KHDRBS2: variants seen among roughly 807,000 people sequenced by gnomAD.
KHDRBS2 encodes KH domain-containing, RNA-binding, signal transduction-associated protein 2.
A neutral mutation model predicts 44.3 loss-of-function variants in KHDRBS2; 26 were observed. The ratio of observed to expected loss-of-function variants is 0.59; its 90% CI spans 0.43 to 0.81. KHDRBS2 has a LOEUF of 0.81. Among genes scored for constraint, KHDRBS2 ranks in the 40% least tolerant of loss-of-function variants. KHDRBS2 has a pLI of 0.00. For missense variants in KHDRBS2, 476 were observed against 433.1 expected (o/e 1.10, Z -0.88); for synonymous variants, 194 against 151.1 (o/e 1.28, Z -2.08).
At chr6:61,750,031 T>A (rs1459435717) in intron 6 of KHDRBS2, among the ~76,000 whole-genome samples, 3 of 152,102 alleles carry the variant, frequency 2.0e-5, no homozygotes, top group Non-Finnish European at 1.5e-5. Context: ...TAATGAGGAG[T>A]TATTTTTAAG....
At chr6:61,785,721 T>C (rs1783710275) in intron 6 of KHDRBS2, among the ~76,000 whole-genome samples, 1 of 152,134 alleles carries the variant, frequency 6.6e-6, no homozygotes, top group Non-Finnish European at 1.5e-5. Context: ...AAATTGTCTA[T>C]ATTTAAAATG....
chr6:62,006,608 G>T (rs995039136), intron 3 of KHDRBS2, among the ~76,000 whole-genome samples: 1 of 151,832 alleles, frequency 6.6e-6, no homozygotes, highest in African/African-American at 2.4e-5. Context: ...CAATAATAAA[G>T]TATCTTCAAT....
At chr6:61,762,549 C>T (rs1347985112) in intron 6 of KHDRBS2, among the ~76,000 whole-genome samples, 3 of 152,154 alleles carry the variant, frequency 2.0e-5, no homozygotes, top group South Asian at 4.1e-4. Flanking sequence ...TCCCTCTCCT[C>T]TCTCTTGTCT....
intron 3 of KHDRBS2, among the ~76,000 whole-genome samples, chr6:62,033,082 T>A (rs558473085): frequency 1.3e-5 from 2 of 151,814 alleles, no homozygotes; most frequent in African/African-American, 4.8e-5. Context: ...TACTAAAGAA[T>A]ACGTCAGTCT....
At chr6:61,574,058 T>C in the KHDRBS2 span, among the ~76,000 whole-genome samples, 3 of 152,086 alleles carry the variant, frequency 2.0e-5, no homozygotes, top group Admixed American at 1.3e-4. Context: ...ATTCAACAAA[T>C]GGTGCTGGGA....
At chr6:62,205,967 G>A (rs897027136) in intron 1 of KHDRBS2, among the ~76,000 whole-genome samples, 8 of 152,122 alleles carry the variant, frequency 5.3e-5, no homozygotes, top group Admixed American at 3.9e-4. Context: ...AAAAAATTGG[G>A]AAATGATGAA....
intron 1 of KHDRBS2, among the ~76,000 whole-genome samples, chr6:62,282,504 T>A (rs922881592): frequency 2.6e-5 from 4 of 152,120 alleles, no homozygotes; most frequent in African/African-American, 9.7e-5. Flanking sequence ...CCTAGGAGTA[T>A]GGAATCACCA....
chr6:62,276,603 TC>T (rs1462052104), intron 1 of KHDRBS2, among the ~76,000 whole-genome samples: 4 of 152,334 alleles, frequency 2.6e-5, no homozygotes, highest in South Asian at 4.1e-4. Context: ...GTCTTGATGA[TC>T]CTTAATTCAA....
intron 2 of KHDRBS2, among the ~76,000 whole-genome samples, chr6:62,102,487 C>A (rs149092907): frequency 6.6e-6 from 1 of 152,262 alleles, no homozygotes; most frequent in African/African-American, 2.4e-5. Flanking sequence ...TGGGGAGCCC[C>A]GAGGTCTCGG....
At chr6:61,898,973 G>C (rs1803441815) in intron 5 of KHDRBS2, among the ~76,000 whole-genome samples, 1 of 151,804 alleles carries the variant, frequency 6.6e-6, no homozygotes, top group Admixed American at 6.6e-5. Context: ...TATTTGTAGA[G>C]GGAATGATCA....
At chr6:61,719,914 G>A (rs541338576) in intron 7 of KHDRBS2, among the ~76,000 whole-genome samples, 93 of 152,166 alleles carry the variant, frequency 6.1e-4, no homozygotes, top group African/African-American at 2.1e-3. Context: ...ATCTCCCAGT[G>A]CTATGCCTCC....
At chr6:62,123,766 T>C (rs1321878537) in intron 2 of KHDRBS2, among the ~76,000 whole-genome samples, 1 of 152,178 alleles carries the variant, frequency 6.6e-6, no homozygotes, top group African/African-American at 2.4e-5. Flanking sequence ...TATGTTCAGG[T>C]ATGGAAATCC....
chr6:61,799,246 T>A (rs1404162233), intron 6 of KHDRBS2, among the ~76,000 whole-genome samples: 3 of 152,040 alleles, frequency 2.0e-5, no homozygotes, highest in Admixed American at 6.6e-5. Flanking sequence ...TAAGCGCCTT[T>A]TTCTTTTCAT....
At chr6:62,037,953 G>A (rs1785645358) in intron 3 of KHDRBS2, among the ~76,000 whole-genome samples, 2 of 151,970 alleles carry the variant, frequency 1.3e-5, no homozygotes, top group Non-Finnish European at 2.9e-5. Flanking sequence ...TATTCATAAT[G>A]GGTGTTAGTG....
chr6:61,604,014 GCTACCGCTCTGCCCCCTCCA>G, the KHDRBS2 span, among the ~76,000 whole-genome samples: 1 of 152,098 alleles, frequency 6.6e-6, no homozygotes, highest in Non-Finnish European at 1.5e-5. Flanking sequence ...TATCATTGAG[GCTACCGCTCTGCCCCCTCCA>G]CTACCTCTCA....
intron 2 of KHDRBS2, among the ~76,000 whole-genome samples, chr6:62,067,257 A>G (rs1279129444): frequency 1.3e-5 from 2 of 151,720 alleles, no homozygotes; most frequent in East Asian, 3.9e-4. Context: ...ATACCCATTA[A>G]GTTTTTCTTA....
intron 4 of KHDRBS2, among the ~76,000 whole-genome samples, chr6:61,966,711 G>A (rs1429639561): frequency 6.6e-6 from 1 of 151,922 alleles, no homozygotes. Flanking sequence ...TAACTTTATT[G>A]TTGTTATTAT....
intron 1 of KHDRBS2, among the ~76,000 whole-genome samples, chr6:62,281,752 C>CT (rs2150197070): frequency 6.6e-6 from 1 of 152,178 alleles, no homozygotes; most frequent in Non-Finnish European, 1.5e-5. Context: ...GTAGGTATCA[C>CT]TTTTCCTGTT....
chr6:61,583,930 T>C, the KHDRBS2 span, among the ~76,000 whole-genome samples: 1 of 151,580 alleles, frequency 6.6e-6, no homozygotes, highest in South Asian at 2.1e-4. Context: ...TATATATATA[T>C]CTTTTATTAT....
Sources: allele counts gnomAD v4.1 joint callset (sites outside exome capture counted in the v4.1 genomes callset), GRCh38; gene constraint gnomAD v4.1.1; transcripts MANE v1.5; gene names NCBI Gene and HGNC (gene_info 2026-07-23, HGNC 2026-07-21).